The following PLCB1 variants were observed in gnomAD, a reference collection of about 807,000 sequenced individuals.
PLCB1 encodes the protein 1-phosphatidylinositol 4,5-bisphosphate phosphodiesterase beta-1.
A neutral mutation model predicts 161.8 loss-of-function variants in PLCB1; 46 were observed. The ratio of observed to expected loss-of-function variants is 0.28; its 90% confidence interval spans 0.22 to 0.36. The LOEUF (loss-of-function observed/expected upper bound fraction) is 0.36, where lower values mean the gene tolerates loss of function less well. Among genes scored for constraint, PLCB1 ranks in the 10% least tolerant of loss-of-function variants. PLCB1 has a pLI of 1.00. For synonymous variants in PLCB1, 517 were observed against 503.7 expected (o/e 1.03, Z -0.35); for missense variants, 1,016 against 1,472.5 (o/e 0.69, Z 5.07).
intron 4 of PLCB1, among the ~76,000 whole-genome samples, chr20:8,629,790 CT>C (rs796700113): frequency 0.22 from 19,814 of 90,484 alleles, 2,252 homozygotes; most frequent in Middle Eastern, 0.32. Context: ...TCCTTCCTTC[CT>C]TTCTTTCTTT....
At chr20:8,484,034 T>G (rs995073127) in intron 3 of PLCB1, among the ~76,000 whole-genome samples, 3 of 152,168 alleles carry the variant, frequency 2.0e-5, no homozygotes. Flanking sequence ...TGGTTTTGTT[T>G]TACTTTTTGA....
At chr20:8,197,550 T>C (rs2052038947) in intron 2 of PLCB1, among the ~76,000 whole-genome samples, 1 of 152,234 alleles carries the variant, frequency 6.6e-6, no homozygotes, top group African/African-American at 2.4e-5. Flanking sequence ...TTGTAGATTC[T>C]GGATATTAGC....
chr20:8,844,419 C>T (rs1185909904), intron 31 of PLCB1, among the ~76,000 whole-genome samples: 1 of 152,166 alleles, frequency 6.6e-6, no homozygotes, highest in Non-Finnish European at 1.5e-5. Flanking sequence ...TGTCCAAGCC[C>T]TTGAACGTGT....
At chr20:8,850,940 C>T (rs1043632940) in intron 31 of PLCB1, among the ~76,000 whole-genome samples, 16 of 152,334 alleles carry the variant, frequency 1.1e-4, no homozygotes, top group East Asian at 1.9e-4. Flanking sequence ...AGCCAGAGAT[C>T]GCAACCAGTA....
chr20:8,153,527 G>A (rs2098882735), intron 2 of PLCB1, among the ~76,000 whole-genome samples: 1 of 152,162 alleles, frequency 6.6e-6, no homozygotes, highest in South Asian at 2.1e-4. Context: ...AACACAGGAA[G>A]TGTTAGCTGT....
chr20:8,206,424 GGTAACCTCATAAAGGA>G lies in PLCB1; in HGVS notation c.177+56057_177+56072del, dbSNP rs560165038. 3.5e-4 allele frequency among the ~76,000 whole-genome samples: 53 copies of G among 152,146 alleles called. No homozygotes were observed. In the East Asian group the frequency reaches 8.5e-3, roughly 24 times the overall value. ...TCAATAAAATGAGACAGGAATTATG[GGTAACCTCATAAAGGA>G]GTATGAAGGCATTGTTATCGTTGCT... On this transcript the variant is annotated intron_variant, in intron 2 of 31. Transcript: ENST00000338037.
intron 3 of PLCB1, among the ~76,000 whole-genome samples, chr20:8,527,240 C>CT (rs1361566791): frequency 1.3e-5 from 2 of 151,896 alleles, no homozygotes; most frequent in African/African-American, 4.8e-5. Flanking sequence ...ATATAAATTC[C>CT]TTAAATAGCA....
chr20:8,750,024 A>G (rs1028644410), intron 23 of PLCB1, among the ~76,000 whole-genome samples: 1 of 152,152 alleles, frequency 6.6e-6, no homozygotes, highest in Non-Finnish European at 1.5e-5. Flanking sequence ...AATGCTGAGG[A>G]AAATCAGATG....
intron 3 of PLCB1, among the ~76,000 whole-genome samples, chr20:8,372,783 G>A (rs1986945091): frequency 6.6e-6 from 1 of 152,096 alleles, no homozygotes; most frequent in Non-Finnish European, 1.5e-5. Flanking sequence ...TTAGTTCCAA[G>A]AACTATATTG....
intron 3 of PLCB1, among the ~76,000 whole-genome samples, chr20:8,573,376 A>G (rs994923412): frequency 6.6e-6 from 1 of 152,204 alleles, no homozygotes; most frequent in Non-Finnish European, 1.5e-5. Context: ...AGGAAATGGA[A>G]CAGAGAAATG....
intron 10 of PLCB1, among the ~76,000 whole-genome samples, chr20:8,695,497 T>C (rs1447348094): frequency 6.6e-6 from 1 of 152,024 alleles, no homozygotes; most frequent in Non-Finnish European, 1.5e-5. Context: ...AGCCCAGGAG[T>C]TTGAGACCAA....
intron 2 of PLCB1, among the ~76,000 whole-genome samples, chr20:8,306,186 C>G (rs760152228): frequency 6.6e-6 from 1 of 152,244 alleles, no homozygotes; most frequent in Non-Finnish European, 1.5e-5. Context: ...TTGCACTTTG[C>G]AAAGATTGGC....
intron 2 of PLCB1, among the ~76,000 whole-genome samples, chr20:8,184,568 G>A (rs1324915315): frequency 3.3e-5 from 5 of 151,534 alleles, no homozygotes; most frequent in African/African-American, 7.3e-5. Context: ...ATGCTTTGTG[G>A]CAATAATTTC....
intron 3 of PLCB1, among the ~76,000 whole-genome samples, chr20:8,590,621 G>A (rs1568520296): frequency 1.3e-5 from 2 of 152,080 alleles, no homozygotes; most frequent in Non-Finnish European, 2.9e-5. Flanking sequence ...TTTCTTCCTG[G>A]AGGCCCTGGG....
chr20:8,374,789 C>T (rs935311603), intron 3 of PLCB1, among the ~76,000 whole-genome samples: 2 of 152,048 alleles, frequency 1.3e-5, no homozygotes, highest in African/African-American at 4.8e-5. Flanking sequence ...AGACTTTCTG[C>T]GGGGGCTTAT....
chr20:8,285,955 G>A (rs553060542), intron 2 of PLCB1, among the ~76,000 whole-genome samples: 4 of 152,260 alleles, frequency 2.6e-5, no homozygotes, highest in African/African-American at 7.2e-5. Context: ...TTTCAGGGCT[G>A]GATACATTAG....
At chr20:8,280,371 A>G (rs992640213) in intron 2 of PLCB1, among the ~76,000 whole-genome samples, 1 of 152,066 alleles carries the variant, frequency 6.6e-6, no homozygotes. Flanking sequence ...AAGAAGTGAA[A>G]AAAGGGGTTA....
At position 8,171,466 on chromosome 20, in the gene PLCB1, G is replaced by A. The variant is rs376131680; in HGVS notation, c.177+21095G>A. Among the ~76,000 whole-genome samples, 4 of 152,144 alleles carry A rather than the reference G, an allele frequency of 2.6e-5. No homozygotes were observed. The East Asian group carries it at 5.8e-4, about 22-fold the overall frequency. On this transcript the variant is annotated intron_variant, in intron 2 of 31. Coordinates refer to ENST00000338037, the MANE Select transcript of PLCB1 (RefSeq NM_015192.4). ...GGTTACTTCTTTTGTAGTAGAGGAT[G>A]GTAGTTAAAAATACATACTCTGAAC...
chr20:8,217,585 A>G (rs746267468), intron 2 of PLCB1, among the ~76,000 whole-genome samples: 2 of 152,146 alleles, frequency 1.3e-5, no homozygotes, highest in African/African-American at 4.8e-5. Context: ...TTACCAAAGT[A>G]TGAAATGCAG....
Sources: gnomAD v4.1 joint callset for allele counts (sites outside exome capture counted in the v4.1 genomes callset) on GRCh38, gnomAD v4.1.1 for gene constraint, MANE v1.5 for transcripts, NCBI Gene and HGNC (gene_info 2026-07-23, HGNC 2026-07-21) for gene names.